The following MEOX2 variants were observed in gnomAD, a reference collection of about 807,000 sequenced individuals.
MEOX2 encodes homeobox protein MOX-2.
MEOX2 carries 11 observed loss-of-function variants against 27.0 expected under a neutral mutation model. That is an observed-to-expected ratio of 0.41 (90% confidence interval 0.26 to 0.68). The LOEUF (loss-of-function observed/expected upper bound fraction) is 0.68, where lower values mean the gene tolerates loss of function less well. MEOX2 is among the 30% of genes least tolerant of loss of function. The probability of loss-of-function intolerance (pLI) is 0.33; values close to 1 mark genes in which losing one functional copy is unlikely to be tolerated. For missense variants in MEOX2, 436 were observed against 385.4 expected (o/e 1.13, Z -1.10); for synonymous variants, 189 against 155.4 (o/e 1.22, Z -1.61).
intron 2 of MEOX2, among the ~76,000 whole-genome samples, chr7:15,624,670 G>T (rs985801517): frequency 6.6e-6 from 1 of 152,044 alleles, no homozygotes; most frequent in Admixed American, 6.6e-5. Context: ...CTCCATGAGG[G>T]TTCCATGTAG....
intron 2 of MEOX2, 114 bp from the exon 3 acceptor site, chr7:15,612,725 A>T: frequency 4.1e-6 from 3 of 736,316 alleles, no homozygotes; most frequent in Non-Finnish European, 6.9e-6. Context: ...ATACAAAGAC[A>T]CCATGAAGGA....
rs71004402 is a variant in MEOX2, at chr7:15,661,012, C to CAAAAAA, written c.517+24868_517+24873dup. ...TTGGCAACAGAGCGAGACTCAGTCT[C>CAAAAAA]AAAAAAAAAAAAAAAAAAAAAAAAA... is the stretch of plus-strand genomic sequence containing the variant. On this transcript the variant is annotated intron_variant, in intron 1 of 2. Coordinates refer to ENST00000262041, the MANE Select transcript of MEOX2 (RefSeq NM_005924.5). Among the ~76,000 whole-genome samples the CAAAAAA allele has an allele frequency of 2.4e-3, 108 of 44,310 alleles. 3 individuals carry two copies. The highest frequency in any genetic ancestry group is 4.0e-3 in the African/African-American group (48 of 11,990). The allele number at this position is 44,310 out of a possible 152,430, so 29.1% of individuals were successfully genotyped here.
chr7:15,640,590 A>G (rs1781544329), intron 1 of MEOX2, among the ~76,000 whole-genome samples: 1 of 152,034 alleles, frequency 6.6e-6, no homozygotes, highest in Non-Finnish European at 1.5e-5. Context: ...GAGTGGGCAT[A>G]CTTTTCTTCT....
chr7:15,669,538 T>C (rs1782063952), intron 1 of MEOX2, among the ~76,000 whole-genome samples: 2 of 152,208 alleles, frequency 1.3e-5, no homozygotes, highest in Non-Finnish European at 2.9e-5. Flanking sequence ...TCCCAATTAA[T>C]CTTTATTAAA....
At chr7:15,616,147 A>C (rs970428956) in intron 2 of MEOX2, among the ~76,000 whole-genome samples, 1 of 151,926 alleles carries the variant, frequency 6.6e-6, no homozygotes, top group African/African-American at 2.4e-5. Flanking sequence ...TAAACATATA[A>C]GAATATGCAT....
At chr7:15,619,912 A>C (rs1348207538) in intron 2 of MEOX2, among the ~76,000 whole-genome samples, 1 of 152,006 alleles carries the variant, frequency 6.6e-6, no homozygotes, top group East Asian at 1.9e-4. Context: ...TTTTAGGTTA[A>C]AACATTGTTT....
chr7:15,672,896 A>C (rs1782126613), intron 1 of MEOX2, among the ~76,000 whole-genome samples: 1 of 86,458 alleles, frequency 1.2e-5, no homozygotes, highest in African/African-American at 3.1e-5. Context: ...TGTCTTGAAA[A>C]AAAAAAAAAG....
At chr7:15,670,793 T>C (rs1782082493) in intron 1 of MEOX2, among the ~76,000 whole-genome samples, 1 of 152,210 alleles carries the variant, frequency 6.6e-6, no homozygotes, top group African/African-American at 2.4e-5. Context: ...TGTCTGACAT[T>C]GCTCTCCAGG....
chr7:15,664,081 T>A (rs775385203), intron 1 of MEOX2, among the ~76,000 whole-genome samples: 1 of 152,218 alleles, frequency 6.6e-6, no homozygotes, highest in Admixed American at 6.5e-5. Flanking sequence ...TCATGATTGT[T>A]AAAGCAAATA....
intron 2 of MEOX2, among the ~76,000 whole-genome samples, chr7:15,626,011 T>C (rs1465246027): frequency 6.6e-6 from 1 of 152,142 alleles, no homozygotes; most frequent in Non-Finnish European, 1.5e-5. Context: ...GGGGCAGAAA[T>C]ATTTACCAAT....
intron 1 of MEOX2, among the ~76,000 whole-genome samples, chr7:15,669,767 T>C (rs1189525212): frequency 6.6e-6 from 1 of 152,228 alleles, no homozygotes; most frequent in East Asian, 1.9e-4. Context: ...TAAAAACTCC[T>C]CTAGTAGCTT....
At chr7:15,666,214 T>C (rs952658999) in intron 1 of MEOX2, among the ~76,000 whole-genome samples, 3 of 152,188 alleles carry the variant, frequency 2.0e-5, no homozygotes, top group Non-Finnish European at 4.4e-5. Flanking sequence ...GCCAATACAA[T>C]GTCATGCCTA....
intron 2 of MEOX2, among the ~76,000 whole-genome samples, chr7:15,626,130 C>T (rs1781301057): frequency 6.6e-6 from 1 of 152,100 alleles, no homozygotes; most frequent in Non-Finnish European, 1.5e-5. Context: ...TGGCTAATTT[C>T]CAGGTGAAAA....
chr7:15,642,916 G>C (rs114623618), intron 1 of MEOX2, among the ~76,000 whole-genome samples: 1 of 152,228 alleles, frequency 6.6e-6, no homozygotes, highest in Admixed American at 6.5e-5. Context: ...TTTCTTAAGC[G>C]CTATTTGTTT....
At chr7:15,661,857 G>T (rs1358800007) in intron 1 of MEOX2, among the ~76,000 whole-genome samples, 2 of 152,092 alleles carry the variant, frequency 1.3e-5, no homozygotes, top group East Asian at 3.9e-4. Context: ...ATAATGACTG[G>T]CTGGGGTGGC....
At chr7:15,636,901 G>C (rs1259144445) in intron 1 of MEOX2, among the ~76,000 whole-genome samples, 1 of 151,962 alleles carries the variant, frequency 6.6e-6, no homozygotes, top group Non-Finnish European at 1.5e-5. Context: ...CCTTTTCATA[G>C]TGGCATTAAT....
chr7:15,641,440 C>T (rs1163636152), intron 1 of MEOX2, among the ~76,000 whole-genome samples: 4 of 152,066 alleles, frequency 2.6e-5, no homozygotes, highest in Non-Finnish European at 5.9e-5. Flanking sequence ...ATAGCAACCT[C>T]TGCTCTCTTT....
intron 2 of MEOX2, among the ~76,000 whole-genome samples, chr7:15,614,558 C>A (rs566539560): frequency 6.6e-6 from 1 of 152,036 alleles, no homozygotes; most frequent in African/African-American, 2.4e-5. Flanking sequence ...TTAAATAACC[C>A]AGCTTTTTTC....
rs142650376 is a variant in MEOX2, at chr7:15,686,388, G to C, written c.15C>G (p.Leu5=). 364 of 1,574,702 alleles carry C rather than the reference G, an allele frequency of 2.3e-4. 3 individuals carry two copies. The highest frequency in any genetic ancestry group is 6.7e-4 in the Middle Eastern group (4 of 6,012). ...CGTGAGGGCTGCGCAGGCAGCCAAA[G>C]AGCGGGTGTTCCATAGCATGCAAGT... MEHP[L]FGCLRSPHAT... Residue 5 remains leucine (L), a synonymous_variant, in exon 1 of 3, where the codon CTC becomes CTG. Coordinates refer to ENST00000262041, the MANE Select transcript of MEOX2 (RefSeq NM_005924.5).
Sources: gnomAD v4.1 joint callset for allele counts (sites outside exome capture counted in the v4.1 genomes callset) on GRCh38, gnomAD v4.1.1 for gene constraint, MANE v1.5 for transcripts, NCBI Gene and HGNC (gene_info 2026-07-23, HGNC 2026-07-21) for gene names.